The following MTMR3 variants were observed in gnomAD, a reference collection of about 807,000 sequenced individuals.
MTMR3 encodes phosphatidylinositol-3,5-bisphosphate 3-phosphatase MTMR3.
Under a neutral mutation model 132.4 loss-of-function variants are expected in MTMR3, and 32 were observed. The observed-to-expected ratio is 0.24, with a 90% CI of 0.18 to 0.32. The LOEUF is 0.32. Among genes scored for constraint, MTMR3 ranks in the 10% least tolerant of loss-of-function variants. The probability of loss-of-function intolerance (pLI) is 1.00; values close to 1 mark genes in which losing one functional copy is unlikely to be tolerated. For missense variants in MTMR3, 1,216 were observed against 1,489.6 expected (o/e 0.82, Z 3.02); for synonymous variants, 556 against 550.3 (o/e 1.01, Z -0.14).
chr22:30,013,897 T>G (rs1273156590), intron 14 of MTMR3: 3 of 203,098 alleles, frequency 1.5e-5, no homozygotes, highest in African/African-American at 7.1e-5. Flanking sequence ...ACCCTCTCCT[T>G]TGATGGAGGG....
intron 3 of MTMR3, among the ~76,000 whole-genome samples, chr22:29,977,555 G>A (rs945004563): frequency 6.6e-6 from 1 of 152,104 alleles, no homozygotes; most frequent in Non-Finnish European, 1.5e-5. Flanking sequence ...GGGAAATTCA[G>A]TTCTTAAGCT....
intron 1 of MTMR3, among the ~76,000 whole-genome samples, chr22:29,911,900 CATA>C (rs945749133): frequency 1.2e-4 from 18 of 152,066 alleles, no homozygotes; most frequent in African/African-American, 3.9e-4. Flanking sequence ...AGCTTATCAC[CATA>C]ATAAGTACAA....
intron 1 of MTMR3, among the ~76,000 whole-genome samples, chr22:29,927,816 A>G (rs1365052275): frequency 6.6e-6 from 1 of 152,114 alleles, no homozygotes; most frequent in African/African-American, 2.4e-5. Flanking sequence ...AATTTTCAGT[A>G]TACAAGTAGG....
rs769504497 is a variant in MTMR3, at chr22:30,025,871, C to T, written c.*70C>T. ...GACAGGCCCACTCAACCTGGGCAGACCGAGAGGCCCGTGCACTTTGGAATG... is the reference window on the plus strand; with the variant it reads ...GACAGGCCCACTCAACCTGGGCAGATCGAGAGGCCCGTGCACTTTGGAATG... On this transcript the variant is annotated 3_prime_UTR_variant, in exon 20 of 20. Coordinates refer to ENST00000401950, the MANE Select transcript of MTMR3 (RefSeq NM_021090.4). 5.9e-6 allele frequency: 9 copies of T among 1,530,964 alleles called. No individual in the cohort carries two copies. Among genetic ancestry groups the T allele is most frequent in the Non-Finnish European group, 8.1e-6 (9 of 1,109,830 alleles). The allele number at this position is 1,530,964 out of a possible 1,614,324, so 94.8% of individuals were successfully genotyped here.
chr22:29,933,564 T>C (rs2065687267), intron 1 of MTMR3, among the ~76,000 whole-genome samples: 1 of 152,170 alleles, frequency 6.6e-6, no homozygotes, highest in South Asian at 2.1e-4. Context: ...AAAATGCATC[T>C]TGCTGGCTTC....
At chr22:29,911,117 A>G (rs1002485307) in intron 1 of MTMR3, among the ~76,000 whole-genome samples, 1 of 152,208 alleles carries the variant, frequency 6.6e-6, no homozygotes, top group African/African-American at 2.4e-5. Context: ...GAATGAAACC[A>G]GAATGAGGCC....
In MTMR3 at chr22:29,971,073, G is replaced by C. The variant is rs769014515; in HGVS notation, c.3+11G>C. 3.2e-6 allele frequency: 5 copies of C among 1,584,116 alleles called. No homozygotes were observed. The South Asian group carries it at 4.6e-5, about 15-fold the overall frequency. On this transcript the variant is annotated intron_variant, in intron 3 of 19. Transcript: ENST00000401950. ...GGGCCTCTTGTCATGGTAAGTACAA[G>C]GAAATAAGAGTAAAAAAAAAAACAA...
In MTMR3 at chr22:29,900,496, T is replaced by A. The variant is rs535851246; in HGVS notation, c.-138+17137T>A. Among the ~76,000 whole-genome samples, 33 of 152,294 alleles carry A rather than the reference T, an allele frequency of 2.2e-4. No homozygotes were observed. In the South Asian group the frequency reaches 6.6e-3, roughly 31 times the overall value. On this transcript the variant is annotated intron_variant, in intron 1 of 19. Coordinates refer to ENST00000401950, the MANE Select transcript of MTMR3 (RefSeq NM_021090.4). ...GATACAAAGACTACACAGCTGGTGA[T>A]TATTGATATCATTCATTTATATTAG...
chr22:30,023,443 T>C, intron 19 of MTMR3: 1 of 1,614,160 alleles, frequency 6.2e-7, no homozygotes, highest in Non-Finnish European at 8.5e-7. Flanking sequence ...GAGCTCTTTC[T>C]CCCCTCCTTG....
intron 1 of MTMR3, among the ~76,000 whole-genome samples, chr22:29,917,661 C>T (rs1602469703): frequency 6.6e-6 from 1 of 152,128 alleles, no homozygotes; most frequent in Non-Finnish European, 1.5e-5. Flanking sequence ...GTCTTTGTGC[C>T]ATATTTGGCA....
At chr22:30,003,109 A>T in intron 9 of MTMR3, 116 bp downstream of exon 9, 1 of 735,468 alleles carries the variant, frequency 1.4e-6, no homozygotes, top group Non-Finnish European at 2.3e-6. Context: ...AGAACTTTCT[A>T]GGCAAGGCTG....
chr22:29,998,924 G>A (rs1212904184), intron 8 of MTMR3, 67 bp downstream of exon 8: 10 of 1,012,196 alleles, frequency 9.9e-6, no homozygotes, highest in Non-Finnish European at 1.5e-5. Context: ...CAATTCTCAT[G>A]TGGCAGAACA....
rs772451748 is a variant in MTMR3 at position 30,012,557 on chromosome 22, C to T, written c.1311C>T (p.Thr437=). ...TCTTGCTGGACCCTTATTACCGAAC[C>T]ATAGAGGTGAGCCCATCCAAATGGG... The part of the protein sequence containing the change: ...AKLLLDPYYR[T]IEGFQVLVEM... The change falls in exon 13 of 20, where the codon ACC becomes ACT. Residue 437 remains threonine (T), a synonymous_variant. Coordinates refer to ENST00000401950, the MANE Select transcript of MTMR3 (RefSeq NM_021090.4). The T allele has an allele frequency of 3.7e-6, 6 of 1,608,844 alleles. No individual in the cohort carries two copies. Among genetic ancestry groups the T allele is most frequent in the Non-Finnish European group, 5.1e-6 (6 of 1,177,730 alleles).
chr22:29,936,097 C>T (rs948851347), intron 1 of MTMR3, among the ~76,000 whole-genome samples: 1 of 152,090 alleles, frequency 6.6e-6, no homozygotes, highest in African/African-American at 2.4e-5. Flanking sequence ...GGAGACAAAA[C>T]CAACTATCCT....
chr22:29,894,180 G>T (rs946500355), intron 1 of MTMR3, among the ~76,000 whole-genome samples: 1 of 152,074 alleles, frequency 6.6e-6, no homozygotes, highest in Non-Finnish European at 1.5e-5. Flanking sequence ...TTTTTCACTG[G>T]ATGTCTTCTG....
At chr22:30,013,589 T>G in intron 14 of MTMR3, 48 bp downstream of exon 14, 5 of 1,567,134 alleles carry the variant, frequency 3.2e-6, no homozygotes, top group Non-Finnish European at 4.4e-6. Flanking sequence ...GGAGGGTCAG[T>G]ACAAATGTTA....
intron 1 of MTMR3, among the ~76,000 whole-genome samples, chr22:29,950,886 C>T (rs2066064602): frequency 7.3e-6 from 1 of 137,576 alleles, no homozygotes; most frequent in Admixed American, 7.0e-5. Flanking sequence ...GGCGCAGTGG[C>T]TTACGCCTGT....
chr22:30,017,210 C>T (rs1348039708), intron 15 of MTMR3: 5 of 154,582 alleles, frequency 3.2e-5, no homozygotes, highest in African/African-American at 9.7e-5. Flanking sequence ...AGACTTTGTT[C>T]CCCGAAGGAA....
chr22:29,988,439 G>A, intron 5 of MTMR3, 41 bp from the exon 6 acceptor site: 1 of 1,476,124 alleles, frequency 6.8e-7, no homozygotes, highest in South Asian at 1.2e-5. Flanking sequence ...CAGGGTCAAT[G>A]CCTTTTTGAC....
Sources: gnomAD v4.1 joint callset for allele counts (sites outside exome capture counted in the v4.1 genomes callset) on GRCh38, gnomAD v4.1.1 for gene constraint, MANE v1.5 for transcripts, NCBI Gene and HGNC (gene_info 2026-07-23, HGNC 2026-07-21) for gene names.